Variants in PLCG2 observed in about 807,000 individuals in gnomAD.
PLCG2 encodes the protein 1-phosphatidylinositol 4,5-bisphosphate phosphodiesterase gamma-2.
A neutral mutation model predicts 175.6 loss-of-function variants in PLCG2; 69 were observed. The observed-to-expected ratio is 0.39, with a 90% CI of 0.32 to 0.48. PLCG2 has a LOEUF of 0.48. Among genes scored for constraint, PLCG2 ranks in the 20% least tolerant of loss-of-function variants. The pLI, the probability that PLCG2 is intolerant of heterozygous loss-of-function variation, is 0.91. For missense variants in PLCG2, 1,798 were observed against 1,650.9 expected (o/e 1.09, Z -1.54); for synonymous variants, 827 against 624.0 (o/e 1.33, Z -4.85).
intron 2 of PLCG2, among the ~76,000 whole-genome samples, chr16:81,850,971 T>C (rs1185465753): frequency 2.0e-5 from 3 of 152,150 alleles, no homozygotes; most frequent in Non-Finnish European, 2.9e-5. Flanking sequence ...ACAAGATTTA[T>C]AGTGCAAGGT....
chr16:81,895,572 A>G, intron 12 of PLCG2: 1 of 461,618 alleles, frequency 2.2e-6, no homozygotes. Flanking sequence ...AAAAAAAAAA[A>G]ATGAAAAAAA....
At position 81,816,651 on chromosome 16, in the gene PLCG2, ATTTTTTTT is replaced by A. The variant is rs71146047; in HGVS notation, c.193+30492_193+30499del. Among the ~76,000 whole-genome samples, 264 of 108,870 alleles carry A rather than the reference ATTTTTTTT, an allele frequency of 2.4e-3. 13 individuals carry two copies. The highest frequency in any genetic ancestry group is 5.3e-3 in the Admixed American group (44 of 8,348). The allele number at this position is 108,870 out of a possible 152,430, so 71.4% of individuals were successfully genotyped here. ...GCACCACCATGCCCAGCTAATTTTA[ATTTTTTTT>A]TTTTTTTTTTTTTTTTTTTTTTAGT... On this transcript the variant is annotated intron_variant, in intron 2 of 32. Coordinates refer to ENST00000564138, the MANE Select transcript of PLCG2 (RefSeq NM_002661.5).
rs373686679 is a variant in PLCG2 at position 81,956,741 on chromosome 16, G to A, written c.3617G>A (p.Arg1206Gln). 3.3e-5 allele frequency: 53 copies of A among 1,613,948 alleles called. No homozygotes were observed. The highest frequency in any genetic ancestry group is 4.2e-5 in the Non-Finnish European group (49 of 1,179,996). ...TCCTCCTGTCGCCAGCTGAGGAGGC[G>A]GCAAGAAGAACTGAACAACCAGCTC... ...LYSSCRQLRR[R>Q]QEELNNQLFL... Residue 1206 changes from arginine (R) to glutamine (Q), a missense_variant, in exon 32 of 33, where the codon CGG (arginine) becomes CAG (glutamine). Arg to Gln is a conservative substitution (Grantham distance 43). Transcript: ENST00000564138.
At chr16:81,835,521 G>T (rs1413813906) in intron 2 of PLCG2, among the ~76,000 whole-genome samples, 1 of 152,134 alleles carries the variant, frequency 6.6e-6, no homozygotes, top group Non-Finnish European at 1.5e-5. Flanking sequence ...GGAGGTTGCT[G>T]TGAGCTGAGA....
At chr16:81,897,079 A>G (rs1306049293) in intron 13 of PLCG2, among the ~76,000 whole-genome samples, 1 of 152,236 alleles carries the variant, frequency 6.6e-6, no homozygotes, top group Non-Finnish European at 1.5e-5. Flanking sequence ...GCCATGGGCA[A>G]GAGGTAAACA....
chr16:81,857,655 A>G (rs570574954), intron 3 of PLCG2, among the ~76,000 whole-genome samples: 1 of 152,282 alleles, frequency 6.6e-6, no homozygotes, highest in East Asian at 1.9e-4. Flanking sequence ...TTCTCTAAAA[A>G]GGCATTAATC....
At chr16:81,831,209 C>G (rs1452781251) in intron 2 of PLCG2, among the ~76,000 whole-genome samples, 2 of 152,138 alleles carry the variant, frequency 1.3e-5, no homozygotes, top group Admixed American at 1.3e-4. Flanking sequence ...ATTGACTTGT[C>G]TCTGTCTCCT....
upstream of PLCG2, among the ~76,000 whole-genome samples, chr16:81,776,703 T>C (rs1910416580): frequency 6.6e-6 from 1 of 152,218 alleles, no homozygotes; most frequent in Non-Finnish European, 1.5e-5. Context: ...TACAGGTGTG[T>C]GCCACCATGC....
At chr16:81,804,725 G>A (rs939821549) in intron 2 of PLCG2, among the ~76,000 whole-genome samples, 2 of 152,168 alleles carry the variant, frequency 1.3e-5, no homozygotes, top group African/African-American at 4.8e-5. Context: ...CAGAGCCCTG[G>A]AAATGCTTCT....
In PLCG2 at chr16:81,883,248, AC is replaced by A; in HGVS notation, c.693-16del. 1.9e-6 allele frequency: 3 copies of A among 1,609,996 alleles called. No individual in the cohort carries two copies. Among genetic ancestry groups the A allele is most frequent in the Non-Finnish European group, 2.5e-6 (3 of 1,176,478 alleles). ...GTTGAATGTGTCTGTCTCTAACTGC[AC>A]CCCCTTTCCCCGAGGATAGGAACAC... On this transcript the variant is annotated intron_variant, in intron 8 of 32. Transcript: ENST00000564138.
chr16:81,769,028 G>C (rs1910215061), intron 2 of PLCG2, among the ~76,000 whole-genome samples: 1 of 152,196 alleles, frequency 6.6e-6, no homozygotes, highest in South Asian at 2.1e-4. Context: ...AGGTGCTCAA[G>C]AAATGCTGTG....
intron 2 of PLCG2, among the ~76,000 whole-genome samples, chr16:81,788,556 C>T (rs1911086683): frequency 6.6e-6 from 1 of 152,160 alleles, no homozygotes; most frequent in South Asian, 2.1e-4. Context: ...AAAGAGGTTG[C>T]CCCCACTGTC....
Position 81,858,297 on chromosome 16 carries a change from T to A in PLCG2, c.372T>A (p.Ser124=). The A allele has an allele frequency of 6.2e-7, 1 of 1,614,088 alleles. No individual in the cohort carries two copies. The highest frequency in any genetic ancestry group is 8.5e-7 in the Non-Finnish European group (1 of 1,179,910). ...DSKEDAVNWL[S]GLKILHQEAM... ...AAGAGGATGCAGTTAACTGGCTCTC[T>A]GGCTTGAAAATCTTACACCAGGAAG... Residue 124 remains serine, a synonymous_variant, in exon 4 of 33, where the codon TCT becomes TCA. Transcript: ENST00000564138.
In PLCG2 at chr16:81,938,918, AAGTC is replaced by A; in HGVS notation, c.3313+9_3313+12del. On this transcript the variant is annotated splice_donor_5th_base_variant and intron_variant, in intron 29 of 32. Transcript: ENST00000564138. ...CAAGTTCAAGACGACGGTTGTGAGT[AAGTC>A]AGTCACCTTGGCCCCTCTGCTTTTA... is the stretch of plus-strand genomic sequence containing the variant. 6.4e-7 allele frequency: 1 copy of A among 1,563,224 alleles called. No individual in the cohort carries two copies. Among genetic ancestry groups the A allele is most frequent in the South Asian group, 1.1e-5 (1 of 89,190 alleles).
chr16:81,838,649 C>A (rs112920457), intron 2 of PLCG2, among the ~76,000 whole-genome samples: 146 of 151,842 alleles, frequency 9.6e-4, no homozygotes, highest in African/African-American at 3.3e-3. Flanking sequence ...AGGACAAATA[C>A]CTAATGCCTG....
At chr16:81,769,683 A>G (rs536036601) in intron 2 of PLCG2, among the ~76,000 whole-genome samples, 6 of 151,166 alleles carry the variant, frequency 4.0e-5, no homozygotes, top group South Asian at 2.1e-4. Context: ...AGCCGGGCGT[A>G]GTGGCGGGCG....
In PLCG2 at chr16:81,895,891, T is replaced by C; in HGVS notation, c.1157T>C (p.Val386Ala). ...ACCAAGATCAAGTTTGACGACGTCG[T>C]GCAGGCCATCAAAGACCACGCCTTT... ...RTTKIKFDDVVQAIKDHAFVT... is the reference protein window; with the variant it reads ...RTTKIKFDDVAQAIKDHAFVT... The change falls in exon 13 of 33, where the codon GTG (valine) becomes GCG (alanine). Residue 386 changes from valine to alanine, a missense_variant. By Grantham distance (64) the Val-to-Ala change is moderately conservative (BLOSUM62 0). Transcript: ENST00000564138. The C allele has an allele frequency of 6.2e-7, 1 of 1,614,080 alleles. No individual in the cohort carries two copies. The highest frequency in any genetic ancestry group is 8.5e-7 in the Non-Finnish European group (1 of 1,179,994).
chr16:81,886,943 C>T (rs1038190640), intron 9 of PLCG2, among the ~76,000 whole-genome samples: 2 of 152,140 alleles, frequency 1.3e-5, no homozygotes, highest in African/African-American at 4.8e-5. Context: ...TTTATAACCC[C>T]TAGAATATTG....
intron 24 of PLCG2, among the ~76,000 whole-genome samples, chr16:81,930,250 T>A (rs1910444759): frequency 6.6e-6 from 1 of 152,188 alleles, no homozygotes; most frequent in South Asian, 2.1e-4. Context: ...CTCAGAAATC[T>A]TAGCTACTAA....
Sources: allele counts gnomAD v4.1 joint callset (sites outside exome capture counted in the v4.1 genomes callset), GRCh38; gene constraint gnomAD v4.1.1; transcripts MANE v1.5; gene names NCBI Gene and HGNC (gene_info 2026-07-23, HGNC 2026-07-21).